The following GRIK2 variants were observed in gnomAD, a reference collection of about 807,000 sequenced individuals.
The protein encoded by GRIK2 is glutamate receptor ionotropic, kainate 2.
In GRIK2, 32 loss-of-function variants were observed where a neutral mutation model predicts 100.3. The ratio of observed to expected loss-of-function variants is 0.32; its 90% CI spans 0.24 to 0.43. The LOEUF is 0.43. GRIK2 is among the 20% of genes least tolerant of loss of function. The pLI is 1.00. For synonymous variants in GRIK2, 417 were observed against 389.4 expected, an observed-to-expected ratio of 1.07 and a Z score of -0.83; for missense variants, 843 against 1,114.9, an observed-to-expected ratio of 0.76 and a Z score of 3.47.
chr6:101,703,452 C>G (rs1405401053), intron 7 of GRIK2, among the ~76,000 whole-genome samples: 1 of 151,860 alleles, frequency 6.6e-6, no homozygotes, highest in African/African-American at 2.4e-5. Flanking sequence ...GCTTGAAGAA[C>G]TAATCATTTT....
intron 2 of GRIK2, among the ~76,000 whole-genome samples, chr6:101,530,024 A>C (rs140265195): frequency 1.3e-5 from 2 of 152,178 alleles, no homozygotes; most frequent in African/African-American, 4.8e-5. Flanking sequence ...TTCAGAGTAG[A>C]TGTTTGACTT....
intron 7 of GRIK2, among the ~76,000 whole-genome samples, chr6:101,696,432 A>G (rs1772490979): frequency 6.6e-6 from 1 of 151,762 alleles, no homozygotes; most frequent in African/African-American, 2.4e-5. Context: ...TCTCCTGCCT[A>G]ATTGATCCAA....
chr6:101,882,126 G>A (rs1198342648), intron 11 of GRIK2, among the ~76,000 whole-genome samples: 1 of 151,880 alleles, frequency 6.6e-6, no homozygotes, highest in Non-Finnish European at 1.5e-5. Flanking sequence ...ACAGTATGGG[G>A]GAAACCACTC....
At chr6:101,399,739 C>A (rs547103107) in intron 2 of GRIK2, among the ~76,000 whole-genome samples, 18 of 152,288 alleles carry the variant, frequency 1.2e-4, no homozygotes, top group Non-Finnish European at 2.2e-4. Flanking sequence ...GTGCGCGGTC[C>A]GCGCAAAAGT....
chr6:101,493,491 T>C (rs1694506310), intron 2 of GRIK2, among the ~76,000 whole-genome samples: 1 of 152,018 alleles, frequency 6.6e-6, no homozygotes, highest in Non-Finnish European at 1.5e-5. Context: ...ACTGTTAACA[T>C]AGAATCAAAT....
At chr6:101,874,214 G>T (rs1363535940) in intron 11 of GRIK2, among the ~76,000 whole-genome samples, 1 of 152,026 alleles carries the variant, frequency 6.6e-6, no homozygotes, top group East Asian at 1.9e-4. Context: ...TTCTTCTAGA[G>T]TTTTTATGGT....
intron 2 of GRIK2, among the ~76,000 whole-genome samples, chr6:101,467,039 G>A (rs72959504): frequency 0.013 from 1,908 of 152,240 alleles, 35 homozygotes; most frequent in African/African-American, 0.043. Context: ...AAAATGAAAT[G>A]TCTATTCATT....
chr6:102,059,205 C>T (rs1359954400), intron 16 of GRIK2, among the ~76,000 whole-genome samples: 1 of 151,038 alleles, frequency 6.6e-6, no homozygotes. Flanking sequence ...ATGGAAATTG[C>T]ATTCCTTTCA....
At chr6:101,880,799 A>G (rs1363668355) in intron 11 of GRIK2, among the ~76,000 whole-genome samples, 1 of 152,032 alleles carries the variant, frequency 6.6e-6, no homozygotes, top group Non-Finnish European at 1.5e-5. Flanking sequence ...TAGCATTCAA[A>G]CATAGTAGCT....
chr6:101,441,560 A>C (rs1309927489), intron 2 of GRIK2, among the ~76,000 whole-genome samples: 1 of 152,152 alleles, frequency 6.6e-6, no homozygotes, highest in Admixed American at 6.6e-5. Context: ...TCAAACATCA[A>C]TAGTTCCACC....
chr6:101,987,267 G>A (rs1217887423), intron 14 of GRIK2, among the ~76,000 whole-genome samples: 2 of 151,692 alleles, frequency 1.3e-5, no homozygotes, highest in Non-Finnish European at 2.9e-5. Flanking sequence ...GGACGGCATT[G>A]GTGAAAAAAC....
chr6:101,993,960 A>G (rs1200045088), intron 14 of GRIK2: 1 of 147,866 alleles, frequency 6.8e-6, no homozygotes, highest in Non-Finnish European at 1.5e-5. Flanking sequence ...ACAAATGTAT[A>G]TATCTATATA....
intron 2 of GRIK2, among the ~76,000 whole-genome samples, chr6:101,414,599 A>G (rs1285525735): frequency 1.3e-5 from 2 of 152,128 alleles, no homozygotes; most frequent in Admixed American, 6.6e-5. Context: ...TCTGGGGTCT[A>G]TGCTGTTTCC....
At chr6:101,511,681 G>A (rs947507702) in intron 2 of GRIK2, among the ~76,000 whole-genome samples, 3 of 152,074 alleles carry the variant, frequency 2.0e-5, no homozygotes, top group Admixed American at 2.0e-4. Context: ...TATTGGCTAA[G>A]ATCAAGTGAA....
At chr6:101,722,165 A>G (rs971327729) in intron 7 of GRIK2, among the ~76,000 whole-genome samples, 8 of 151,994 alleles carry the variant, frequency 5.3e-5, no homozygotes, top group African/African-American at 1.9e-4. Flanking sequence ...AGTGATTAGC[A>G]ATATTCTTCT....
intron 12 of GRIK2, among the ~76,000 whole-genome samples, chr6:101,900,130 TAA>T (rs1198341961): frequency 2.0e-5 from 3 of 152,168 alleles, no homozygotes; most frequent in Non-Finnish European, 4.4e-5. Flanking sequence ...AGGAAGATAT[TAA>T]AAATAATGTT....
chr6:101,607,049 C>T (rs1779466535), intron 2 of GRIK2, among the ~76,000 whole-genome samples: 1 of 151,918 alleles, frequency 6.6e-6, no homozygotes, highest in Non-Finnish European at 1.5e-5. Flanking sequence ...TGCATGACAT[C>T]CTACAAATGT....
chr6:101,666,323 A>G (rs1277694228), intron 4 of GRIK2, among the ~76,000 whole-genome samples: 5 of 152,192 alleles, frequency 3.3e-5, no homozygotes, highest in Admixed American at 1.3e-4. Context: ...AATGACCTGT[A>G]ACAATGTGCA....
At chr6:101,667,983 A>G (rs1312382701) in intron 4 of GRIK2, among the ~76,000 whole-genome samples, 3 of 152,180 alleles carry the variant, frequency 2.0e-5, no homozygotes, top group Non-Finnish European at 4.4e-5. Context: ...TTTATAATGT[A>G]TCAAGCTAAA....
Sources: allele counts gnomAD v4.1 joint callset (sites outside exome capture counted in the v4.1 genomes callset), GRCh38; gene constraint gnomAD v4.1.1; transcripts MANE v1.5; gene names NCBI Gene and HGNC (gene_info 2026-07-23, HGNC 2026-07-21).